The following KALRN variants were observed in gnomAD, a reference collection of about 807,000 sequenced individuals.
KALRN encodes kalirin.
KALRN carries 70 observed loss-of-function variants against 353.7 expected under a neutral mutation model. That is an observed-to-expected ratio of 0.20 (90% CI 0.16 to 0.24). The LOEUF (loss-of-function observed/expected upper bound fraction) is 0.24. Ranked by LOEUF, KALRN falls within the 10% of genes least tolerant of loss-of-function variation. The pLI, the probability that KALRN is intolerant of heterozygous loss-of-function variation, is 1.00. For missense variants in KALRN, 2,791 were observed against 3,756.7 expected, an observed-to-expected ratio of 0.74 and a Z score of 6.72; for synonymous variants, 1,391 against 1,434.8, an observed-to-expected ratio of 0.97 and a Z score of 0.69.
chr3:124,678,433 G>A (rs538702735), intron 50 of KALRN, 120 bp downstream of exon 50: 2 of 1,085,806 alleles, frequency 1.8e-6, no homozygotes, highest in Middle Eastern at 2.4e-4. Flanking sequence ...GGGTACCAGA[G>A]GGGAAGTAGT....
intron 37 of KALRN, among the ~76,000 whole-genome samples, chr3:124,647,914 G>T (rs1654441983): frequency 6.6e-6 from 1 of 152,248 alleles, no homozygotes; most frequent in South Asian, 2.1e-4. Flanking sequence ...TCACATATTT[G>T]AATCTATTTG....
In KALRN at chr3:124,033,874, C is replaced by T. The variant is rs2039128818; in HGVS notation, c.73+61C>T. On this transcript the variant is annotated intron_variant, in intron 1 of 59. Coordinates refer to ENST00000682506, the MANE Select transcript of KALRN (RefSeq NM_001388419.1). This position sits in a 1 kb window ranked among gnomAD's most constrained non-coding sequence, Gnocchi z 6.2. Reference sequence around the variant, plus strand: ...GGCTACTGCCTCGGACGCGGCGTCTCGGACAAGTTTGGGGAAGGAGGGCTG... The same window carrying T: ...GGCTACTGCCTCGGACGCGGCGTCTTGGACAAGTTTGGGGAAGGAGGGCTG... Among the ~76,000 whole-genome samples, 1 of 152,280 alleles carries T rather than the reference C, an allele frequency of 6.6e-6. No individual in the cohort carries two copies. Among genetic ancestry groups the T allele is most frequent in the African/African-American group, 2.4e-5 (1 of 41,578 alleles).
intron 26 of KALRN, 86 bp downstream of exon 26, chr3:124,474,818 G>A: frequency 9.4e-7 from 1 of 1,058,284 alleles, no homozygotes; most frequent in Admixed American, 1.7e-5. Context: ...GTCATTGCCA[G>A]TCTCACACAA....
At position 124,434,489 on chromosome 3, in the gene KALRN, C is replaced by A; in HGVS notation, c.3012C>A (p.Val1004=). The change falls in exon 17 of 60, where the codon GTC becomes GTA. Residue 1004 remains valine, a synonymous_variant. Transcript: ENST00000682506. ...MLKMEDRLKL[V]NASVAFYKTS... ...AGATGGAAGACCGGCTAAAATTGGT[C>A]AATGCCTCTGTGGCCTTTTACAAAA... 6.2e-7 allele frequency: 1 copy of A among 1,614,194 alleles called. No individual in the cohort carries two copies.
chr3:124,320,801 C>A (rs921061176), intron 6 of KALRN, among the ~76,000 whole-genome samples: 2 of 152,194 alleles, frequency 1.3e-5, no homozygotes, highest in African/African-American at 4.8e-5. Context: ...AACTTATAGA[C>A]AATTCTGGGC....
At chr3:124,324,616 A>G (rs762584438) in intron 6 of KALRN, among the ~76,000 whole-genome samples, 10 of 152,238 alleles carry the variant, frequency 6.6e-5, no homozygotes, top group Non-Finnish European at 1.0e-4. Flanking sequence ...ATTAGACATC[A>G]GGATGGATTT....
chr3:124,373,140 T>A (rs2086098079), intron 10 of KALRN, among the ~76,000 whole-genome samples: 1 of 151,860 alleles, frequency 6.6e-6, no homozygotes, highest in Non-Finnish European at 1.5e-5. Flanking sequence ...GATTAGAGGA[T>A]TCCTTAAGGT....
chr3:124,666,394 C>T, intron 45 of KALRN, 55 bp from the exon 46 acceptor site: 1 of 1,532,764 alleles, frequency 6.5e-7, no homozygotes, highest in Non-Finnish European at 9.0e-7. Flanking sequence ...ACCCAGAGGG[C>T]AGTGGCTCGC....
intron 3 of KALRN, among the ~76,000 whole-genome samples, chr3:124,263,317 A>C (rs1044594401): frequency 3.3e-5 from 5 of 152,352 alleles, no homozygotes; most frequent in African/African-American, 1.2e-4. Flanking sequence ...GAAATACATG[A>C]AACAACTGGT....
chr3:124,319,927 GA>G (rs1413714609), intron 6 of KALRN, among the ~76,000 whole-genome samples: 1 of 152,106 alleles, frequency 6.6e-6, no homozygotes, highest in Non-Finnish European at 1.5e-5. Flanking sequence ...CCAGGAGGTG[GA>G]GGTTGCAATG....
chr3:124,094,977 G>T, intron 1 of KALRN: 21 of 1,409,204 alleles, frequency 1.5e-5, no homozygotes, highest in Non-Finnish European at 2.1e-5. Context: ...AAAGAGACAT[G>T]CAGAAAGACA....
Position 124,664,371 on chromosome 3 carries a change from G to GTGTGCGCGCGCGCGCA in KALRN, c.6346-2078_6346-2077insTGTGCGCGCGCGCGCA, listed in dbSNP as rs780486751. 9.8e-3 allele frequency among the ~76,000 whole-genome samples: 752 copies of GTGTGCGCGCGCGCGCA among 76,998 alleles called. 10 individuals are homozygous for GTGTGCGCGCGCGCGCA. The highest frequency in any genetic ancestry group is 0.028 in the Admixed American group (230 of 8,132). 50.5% of individuals were successfully genotyped at this position (76,998 alleles called of 152,430 possible). On this transcript the variant is annotated intron_variant, in intron 45 of 59. Transcript: ENST00000682506. Reference sequence around the variant, plus strand: ...TGTGTGTGTGTGTGTGTGTGTGTGTGCGCGCGCGCGCATATAAGGGCACCC... The same window carrying GTGTGCGCGCGCGCGCA: ...TGTGTGTGTGTGTGTGTGTGTGTGTGTGTGCGCGCGCGCGCACGCGCGCGCGCATATAAGGGCACCC...
At chr3:124,297,475 A>C (rs1370095278) in intron 5 of KALRN, among the ~76,000 whole-genome samples, 1 of 152,174 alleles carries the variant, frequency 6.6e-6, no homozygotes, top group East Asian at 1.9e-4. Context: ...GATGATGAGG[A>C]GCCTCGAGCT....
chr3:124,221,291 C>T (rs529978644), intron 1 of KALRN, among the ~76,000 whole-genome samples: 83 of 152,338 alleles, frequency 5.4e-4, no homozygotes, highest in Non-Finnish European at 4.1e-4. Flanking sequence ...ATCATCTTCT[C>T]TGTGGAGACT....
At chr3:124,603,230 AC>A (rs1362254373) in intron 34 of KALRN, among the ~76,000 whole-genome samples, 1 of 152,072 alleles carries the variant, frequency 6.6e-6, no homozygotes, top group Non-Finnish European at 1.5e-5. Flanking sequence ...ATTATCTTTA[AC>A]CACAGTCACA....
intron 5 of KALRN, among the ~76,000 whole-genome samples, chr3:124,270,016 A>G (rs1204916783): frequency 6.6e-6 from 1 of 152,220 alleles, no homozygotes; most frequent in African/African-American, 2.4e-5. Context: ...ATCAGGGAAA[A>G]GTAAGATAAG....
chr3:124,230,457 C>T (rs2079016976), intron 2 of KALRN, among the ~76,000 whole-genome samples: 1 of 152,184 alleles, frequency 6.6e-6, no homozygotes, highest in South Asian at 2.1e-4. Context: ...GAGACCCTTG[C>T]TTGATGTTCA....
rs1321688218 is a variant in KALRN at position 124,632,525 on chromosome 3, A to G, written c.5288A>G (p.Lys1763Arg). ...TCCATCCACAGTTCCCCGGGTCCCAAGCGCTCCACCAACACTCTTAAGAAG... is the reference window on the plus strand; with the variant it reads ...TCCATCCACAGTTCCCCGGGTCCCAGGCGCTCCACCAACACTCTTAAGAAG... ...LNSIHSSPGP[K>R]RSTNTLKKWL... Residue 1763 changes from lysine to arginine, a missense_variant, in exon 35 of 60, where the codon AAG (lysine) becomes AGG (arginine). This residue lies in a region of KALRN where 1,065 missense variants were observed against 1,156.4 expected (regional missense o/e 0.92). Transcript: ENST00000682506. The G allele has an allele frequency of 8.7e-6, 14 of 1,614,150 alleles. No individual in the cohort carries two copies. The highest frequency in any genetic ancestry group is 1.2e-5 in the Non-Finnish European group (14 of 1,180,024).
chr3:124,461,344 T>C (rs970689271), intron 23 of KALRN, among the ~76,000 whole-genome samples: 1 of 152,128 alleles, frequency 6.6e-6, no homozygotes, highest in Non-Finnish European at 1.5e-5. Context: ...AGATTTATTA[T>C]CTGGCTCTTT....
Sources: gnomAD v4.1 joint callset for allele counts (sites outside exome capture counted in the v4.1 genomes callset) on GRCh38, gnomAD v4.1.1 for gene constraint, gnomAD v4.1.1 regional missense constraint, Gnocchi (gnomAD v3.1) non-coding constraint, MANE v1.5 for transcripts, NCBI Gene and HGNC (gene_info 2026-07-23, HGNC 2026-07-21) for gene names.